ITGA9: variants seen among roughly 807,000 people sequenced by gnomAD.
ITGA9 encodes the protein integrin subunit alpha 9.
A neutral mutation model predicts 127.8 loss-of-function variants in ITGA9; 56 were observed. The observed-to-expected ratio is 0.44, with a 90% CI of 0.35 to 0.55. The LOEUF (loss-of-function observed/expected upper bound fraction) is 0.55, where lower values mean the gene tolerates loss of function less well. Among genes scored for constraint, ITGA9 ranks in the 20% least tolerant of loss-of-function variants. ITGA9 has a pLI of 0.00. For synonymous variants in ITGA9, 508 were observed against 514.5 expected, an observed-to-expected ratio of 0.99 and a Z score of 0.17; for missense variants, 1,196 against 1,347.1, an observed-to-expected ratio of 0.89 and a Z score of 1.76.
chr3:37,526,316 G>A lies in ITGA9; in HGVS notation c.1373+245G>A, dbSNP rs147216384. Among the ~76,000 whole-genome samples the A allele has an allele frequency of 2.8e-3, 415 of 148,298 alleles. 1 individual carries two copies. Among genetic ancestry groups the A allele is most frequent in the African/African-American group, 0.01 (395 of 38,636 alleles). The stretch of plus-strand genomic sequence containing the variant: ...GAGCTTCTAGGTAGGGGTTGGGGTA[G>A]CCTAACTCTTAAGCCTAAGGTAGGG... On this transcript the variant is annotated intron_variant, in intron 13 of 27. Coordinates refer to ENST00000264741, the MANE Select transcript of ITGA9 (RefSeq NM_002207.3).
intron 16 of ITGA9, among the ~76,000 whole-genome samples, chr3:37,636,800 A>G (rs1157334771): frequency 1.3e-5 from 2 of 151,840 alleles, no homozygotes; most frequent in Non-Finnish European, 2.9e-5. Flanking sequence ...ATCTTGAATT[A>G]ATTTTTGTAT....
intron 15 of ITGA9, among the ~76,000 whole-genome samples, chr3:37,569,612 A>T (rs143566527): frequency 8.5e-4 from 130 of 152,348 alleles, no homozygotes; most frequent in African/African-American, 3.1e-3. Flanking sequence ...ATGTTGGTAC[A>T]GATTGAGCAT....
At chr3:37,809,584 T>C (rs1697342464) in intron 27 of ITGA9, among the ~76,000 whole-genome samples, 1 of 152,016 alleles carries the variant, frequency 6.6e-6, no homozygotes, top group Admixed American at 6.6e-5. Context: ...AGTGTTGTAA[T>C]GTGATAAGGG....
Position 37,636,963 on chromosome 3 carries a change from G to T in ITGA9, c.1839+7627G>T, listed in dbSNP as rs561623589. Among the ~76,000 whole-genome samples the T allele has an allele frequency of 1.2e-3, 185 of 152,228 alleles. 1 individual carries two copies. The highest frequency in any genetic ancestry group is 4.3e-3 in the African/African-American group (177 of 41,528). ...GTTGTAGATATGCGGCGTTATTTCT[G>T]AGGGCTCTGTTCTGTTCCATTGGTC... On this transcript the variant is annotated intron_variant, in intron 16 of 27. Coordinates refer to ENST00000264741, the MANE Select transcript of ITGA9 (RefSeq NM_002207.3).
intron 1 of ITGA9, among the ~76,000 whole-genome samples, chr3:37,470,330 A>T (rs1423630098): frequency 6.6e-6 from 1 of 152,140 alleles, no homozygotes; most frequent in African/African-American, 2.4e-5. Flanking sequence ...TTATACTGCC[A>T]CTAGCAGTGT....
intron 18 of ITGA9, among the ~76,000 whole-genome samples, chr3:37,727,558 A>G (rs898657517): frequency 6.6e-6 from 1 of 152,252 alleles, no homozygotes; most frequent in South Asian, 2.1e-4. Flanking sequence ...TGTCAAAGAT[A>G]TCTTAGACCA....
At chr3:37,632,027 T>A (rs181140788) in intron 16 of ITGA9, among the ~76,000 whole-genome samples, 1,525 of 152,290 alleles carry the variant, frequency 0.01, 19 homozygotes, top group Non-Finnish European at 0.013. Context: ...TTTCACAGAT[T>A]TTCTACTCAG....
chr3:37,657,601 G>C (rs1474174967), intron 17 of ITGA9, among the ~76,000 whole-genome samples: 1 of 146,936 alleles, frequency 6.8e-6, no homozygotes, highest in African/African-American at 2.5e-5. Flanking sequence ...AGTGTGGCTA[G>C]TGGTCTCTTT....
At chr3:37,722,607 G>T (rs939028099) in intron 18 of ITGA9, among the ~76,000 whole-genome samples, 2 of 152,188 alleles carry the variant, frequency 1.3e-5, no homozygotes, top group African/African-American at 4.8e-5. Context: ...GTCACTTAGC[G>T]TAATGTTTTC....
At chr3:37,745,406 G>A (rs941932016) in intron 22 of ITGA9, 2 of 152,226 alleles carry the variant, frequency 1.3e-5, no homozygotes, top group Admixed American at 1.3e-4. Context: ...AGTGATTGCT[G>A]TGAACAGCAC....
chr3:37,737,711 A>T (rs1696380076), intron 20 of ITGA9, among the ~76,000 whole-genome samples: 2 of 152,136 alleles, frequency 1.3e-5, no homozygotes, highest in South Asian at 4.1e-4. Context: ...GGGAGACACA[A>T]GCTTTGATTG....
At chr3:37,561,605 TGA>T (rs1185970324) in intron 15 of ITGA9, among the ~76,000 whole-genome samples, 1 of 152,224 alleles carries the variant, frequency 6.6e-6, no homozygotes, top group Non-Finnish European at 1.5e-5. Flanking sequence ...ATTAGCATGG[TGA>T]TGACGGCCTG....
chr3:37,525,001 C>T (rs563994750), intron 12 of ITGA9, among the ~76,000 whole-genome samples: 9 of 152,270 alleles, frequency 5.9e-5, no homozygotes, highest in African/African-American at 2.2e-4. Flanking sequence ...CATGGATTTG[C>T]CATTTGTTTT....
At chr3:37,513,717 T>C (rs568162852) in intron 8 of ITGA9, 46 bp from the exon 9 acceptor site, 5 of 1,613,170 alleles carry the variant, frequency 3.1e-6, no homozygotes, top group African/African-American at 2.7e-5. Flanking sequence ...CATCCTTGTG[T>C]GAGAGCAGAC....
intron 23 of ITGA9, among the ~76,000 whole-genome samples, chr3:37,774,532 CAA>C (rs60606543): frequency 1.1e-4 from 15 of 135,480 alleles, no homozygotes; most frequent in Middle Eastern, 3.4e-3. Flanking sequence ...CTATCTCTAC[CAA>C]AAAAAAAAAA....
intron 18 of ITGA9, among the ~76,000 whole-genome samples, chr3:37,725,368 G>C (rs1198394938): frequency 1.3e-5 from 2 of 152,226 alleles, no homozygotes; most frequent in African/African-American, 4.8e-5. Context: ...ACATGGAAGA[G>C]AATGTCTTGA....
At chr3:37,613,843 C>T (rs1197602314) in intron 15 of ITGA9, among the ~76,000 whole-genome samples, 1 of 152,162 alleles carries the variant, frequency 6.6e-6, no homozygotes, top group Non-Finnish European at 1.5e-5. Context: ...TGTTTGAGTT[C>T]ATTGTAGATT....
intron 15 of ITGA9, among the ~76,000 whole-genome samples, chr3:37,565,607 G>A (rs1424551894): frequency 6.6e-6 from 1 of 152,242 alleles, no homozygotes. Context: ...GGTTCTGGAG[G>A]TGGATGGTGG....
intron 14 of ITGA9, 132 bp from the exon 15 acceptor site, chr3:37,542,293 G>A: frequency 1.1e-6 from 1 of 937,420 alleles, no homozygotes; most frequent in Admixed American, 1.7e-5. Context: ...CTCTGCTTGG[G>A]GCTGCAGTCT....
Sources: gnomAD v4.1 joint callset for allele counts (sites outside exome capture counted in the v4.1 genomes callset) on GRCh38, gnomAD v4.1.1 for gene constraint, MANE v1.5 for transcripts, NCBI Gene and HGNC (gene_info 2026-07-23, HGNC 2026-07-21) for gene names.